HSPG2: variants seen among roughly 807,000 people sequenced by gnomAD.
HSPG2 encodes the protein basement membrane-specific heparan sulfate proteoglycan core protein.
Under a neutral mutation model 526.6 loss-of-function variants are expected in HSPG2, and 278 were observed. The observed-to-expected ratio is 0.53, with a 90% CI of 0.48 to 0.58. The LOEUF (loss-of-function observed/expected upper bound fraction) is 0.58. HSPG2 is among the 20% of genes least tolerant of loss of function. The probability of loss-of-function intolerance (pLI) is 0.00; values close to 1 mark genes in which losing one functional copy is unlikely to be tolerated. For missense variants in HSPG2, 5,354 were observed against 6,099.5 expected (o/e 0.88, Z 4.07); for synonymous variants, 2,465 against 2,555.4 (o/e 0.96, Z 1.07).
intron 69 of HSPG2, 141 bp downstream of exon 69, chr1:21,841,861 T>C: frequency 1.5e-6 from 2 of 1,344,924 alleles, no homozygotes; most frequent in East Asian, 4.7e-5. Flanking sequence ...GCTCTTGCCA[T>C]ACAGAGACGG....
rs1643254684 is a variant in HSPG2, at chr1:21,904,319, C to A, written c.64-8009G>T. On this transcript the variant is annotated intron_variant, in intron 1 of 96. Coordinates refer to ENST00000374695, the MANE Select transcript of HSPG2 (RefSeq NM_005529.7). The surrounding 1 kb of genome is among the most constrained non-coding windows in gnomAD (Gnocchi z 4.4). ...AGCAGAGAAGGGGAAGAGTGCGGAC[C>A]AGGTGGAGGGAAGGGCACACGCTGA... Among the ~76,000 whole-genome samples, 1 of 152,052 alleles carries A rather than the reference C, an allele frequency of 6.6e-6. No homozygotes were observed. Among genetic ancestry groups the A allele is most frequent in the Non-Finnish European group, 1.5e-5 (1 of 68,016 alleles).
chr1:21,823,934 C>T (rs1018280741), intron 95 of HSPG2, 187 bp downstream of exon 95: 8 of 749,552 alleles, frequency 1.1e-5, no homozygotes, highest in East Asian at 5.4e-5. Flanking sequence ...CTGGGGCACT[C>T]GCCTGCCCCC....
At chr1:21,831,149 CA>C in intron 84 of HSPG2, 59 bp from the exon 85 acceptor site, 1 of 1,603,774 alleles carries the variant, frequency 6.2e-7, no homozygotes, top group East Asian at 2.2e-5. Context: ...ATAATCCCCA[CA>C]GGGGCCAGCC....
rs542413195 is a variant in HSPG2 at position 21,870,102 on chromosome 1, A to AC, written c.4221+2083_4221+2084insG. 2.5e-4 allele frequency: 78 copies of AC among 308,188 alleles called. No individual in the cohort carries two copies. The East Asian group carries it at 0.011, about 43-fold the overall frequency. 19.1% of individuals were successfully genotyped at this position (308,188 alleles called of 1,614,324 possible). On this transcript the variant is annotated intron_variant, in intron 33 of 96. Coordinates refer to ENST00000374695, the MANE Select transcript of HSPG2 (RefSeq NM_005529.7). ...GCTGGGGCCTGGCCTGGCATAGGGG[A>AC]AATGGCCCAGGAAAGCTGGAGTCTT...
In HSPG2 at chr1:21,855,808, T is replaced by C. The variant is rs1172014542; in HGVS notation, c.5680A>G (p.Thr1894Ala). Reference sequence around the variant, plus strand: ...TCACCTGTCCACTCGAGGGTGGGCGTGGGGCTCCCTGTGGCGCTGCAGCGG... The same window carrying C: ...TCACCTGTCCACTCGAGGGTGGGCGCGGGGCTCCCTGTGGCGCTGCAGCGG... ...EFRCSATGSPTPTLEWTGGPG... is the reference protein window; with the variant it reads ...EFRCSATGSPAPTLEWTGGPG... The change falls in exon 45 of 97, where the codon ACG (threonine) becomes GCG (alanine). Residue 1894 changes from threonine (T) to alanine (A), a missense_variant. Thr to Ala is a moderately conservative substitution (Grantham distance 58). Coordinates refer to ENST00000374695, the MANE Select transcript of HSPG2 (RefSeq NM_005529.7). 1.2e-6 allele frequency: 2 copies of C among 1,613,166 alleles called. No individual in the cohort carries two copies. Among genetic ancestry groups the C allele is most frequent in the Non-Finnish European group, 1.7e-6 (2 of 1,179,900 alleles).
intron 91 of HSPG2, among the ~76,000 whole-genome samples, chr1:21,826,251 G>A (rs1028164005): frequency 4.9e-4 from 75 of 151,860 alleles, no homozygotes; most frequent in Admixed American, 4.9e-3. Flanking sequence ...TAAATTTCTT[G>A]TAGAGATGAG....
At chr1:21,915,366 C>T (rs1164237817) in intron 1 of HSPG2, among the ~76,000 whole-genome samples, 1 of 152,202 alleles carries the variant, frequency 6.6e-6, no homozygotes, top group Non-Finnish European at 1.5e-5. Flanking sequence ...ATTCCAGATG[C>T]CAGCAGCTGA....
intron 33 of HSPG2, among the ~76,000 whole-genome samples, chr1:21,866,846 C>T (rs1640265866): frequency 6.6e-6 from 1 of 152,210 alleles, no homozygotes; most frequent in South Asian, 2.1e-4. Context: ...TATCAAACAC[C>T]TGCTGATTAC....
At chr1:21,836,766 C>T in intron 75 of HSPG2, 36 bp downstream of exon 75, 1 of 1,515,492 alleles carries the variant, frequency 6.6e-7, no homozygotes, top group Non-Finnish European at 8.9e-7. Flanking sequence ...CTGGGCTATG[C>T]TGCCCAAGTC....
rs1642704588 is a variant in HSPG2 at position 21,895,793 on chromosome 1, G to A, written c.244+129C>T. 1 of 850,984 alleles carries A rather than the reference G, an allele frequency of 1.2e-6. No homozygotes were observed. Among genetic ancestry groups the A allele is most frequent in the Admixed American group, 1.9e-5 (1 of 51,822 alleles). 52.7% of individuals were successfully genotyped at this position (850,984 alleles called of 1,614,324 possible). On this transcript the variant is annotated intron_variant, in intron 3 of 96. Transcript: ENST00000374695. The surrounding 1 kb of genome is among the most constrained non-coding windows in gnomAD (Gnocchi z 4.1). ...GCACAACTGTCACTCAGCAGGTTAA[G>A]AGATCACACCCACTTCTTCTTGCTT...
chr1:21,927,767 C>T (rs965635166), intron 1 of HSPG2, among the ~76,000 whole-genome samples: 3 of 152,174 alleles, frequency 2.0e-5, no homozygotes, highest in East Asian at 1.9e-4. Context: ...CCTACAGCTG[C>T]GGCCTCGGTA....
chr1:21,887,736 C>T lies in HSPG2; in HGVS notation c.704-62G>A. On this transcript the variant is annotated intron_variant, in intron 7 of 96. Coordinates refer to ENST00000374695, the MANE Select transcript of HSPG2 (RefSeq NM_005529.7). The surrounding 1 kb of genome is among the most constrained non-coding windows in gnomAD (Gnocchi z 5.0). ...GATGGCTCCTCACCTGCTCCTTGTC[C>T]CCAACCCTCCCCAGGCCCACCCTGT... 2 of 1,608,596 alleles carry T rather than the reference C, an allele frequency of 1.2e-6. No individual in the cohort carries two copies. The highest frequency in any genetic ancestry group is 4.5e-5 in the East Asian group (2 of 44,840).
intron 1 of HSPG2, among the ~76,000 whole-genome samples, chr1:21,912,715 T>C (rs140218217): frequency 2.0e-4 from 30 of 152,262 alleles, no homozygotes; most frequent in African/African-American, 6.7e-4. Context: ...CGCAGTGGCT[T>C]GTGTCTGTAA....
In HSPG2 at chr1:21,898,513, G is replaced by A. The variant is rs1642904615; in HGVS notation, c.64-2203C>T. Among the ~76,000 whole-genome samples, 1 of 152,224 alleles carries A rather than the reference G, an allele frequency of 6.6e-6. No homozygotes were observed. Among genetic ancestry groups the A allele is most frequent in the Non-Finnish European group, 1.5e-5 (1 of 68,040 alleles). ...TCCTGGGCTCCTTCTCAGAGACAGT[G>A]AGTCAGGTTTTTCCATCCCAGGAGG... On this transcript the variant is annotated intron_variant, in intron 1 of 96. Coordinates refer to ENST00000374695, the MANE Select transcript of HSPG2 (RefSeq NM_005529.7). The surrounding 1 kb of genome is among the most constrained non-coding windows in gnomAD (Gnocchi z 4.0).
At chr1:21,917,302 G>A (rs1360771576) in intron 1 of HSPG2, among the ~76,000 whole-genome samples, 2 of 151,934 alleles carry the variant, frequency 1.3e-5, no homozygotes, top group Non-Finnish European at 2.9e-5. Flanking sequence ...GTGTGGTGGT[G>A]TGTGCTTATG....
chr1:21,854,907 C>T lies in HSPG2; in HGVS notation c.6074G>A (p.Cys2025Tyr). 6.2e-7 allele frequency: 1 copy of T among 1,614,140 alleles called. No individual in the cohort carries two copies. Among genetic ancestry groups the T allele is most frequent in the Non-Finnish European group, 8.5e-7 (1 of 1,180,024 alleles). Reference sequence around the variant, plus strand: ...AGTGCCTGCAGGGCTGGTGGCCACGCAGAGGTAGAAGCCGGCGTCAGCAGT... The same window carrying T: ...AGTGCCTGCAGGGCTGGTGGCCACGTAGAGGTAGAAGCCGGCGTCAGCAGT... Reference protein sequence around the residue: ...ITTADAGFYLCVATSPAGTAQ... With the variant: ...ITTADAGFYLYVATSPAGTAQ... Residue 2025 changes from cysteine to tyrosine, a missense_variant, in exon 48 of 97, where the codon TGC becomes TAC. Physicochemically the swap from Cys to Tyr is radical, Grantham distance 194. Transcript: ENST00000374695.
chr1:21,924,684 G>A (rs1448986952), intron 1 of HSPG2, among the ~76,000 whole-genome samples: 1 of 152,014 alleles, frequency 6.6e-6, no homozygotes, highest in Admixed American at 6.6e-5. Context: ...GACCAGCAAT[G>A]AATGTCACCT....
At chr1:21,917,738 T>C (rs964338809) in intron 1 of HSPG2, among the ~76,000 whole-genome samples, 1 of 152,132 alleles carries the variant, frequency 6.6e-6, no homozygotes, top group Non-Finnish European at 1.5e-5. Flanking sequence ...AGCTAATCTA[T>C]TCATCCATCC....
chr1:21,866,093 C>T (rs1458992802), intron 33 of HSPG2, among the ~76,000 whole-genome samples: 1 of 152,158 alleles, frequency 6.6e-6, no homozygotes, highest in Non-Finnish European at 1.5e-5. Context: ...GAACAAACTC[C>T]AGGTCTGCTT....
Sources: gnomAD v4.1 joint callset for allele counts (sites outside exome capture counted in the v4.1 genomes callset) on GRCh38, gnomAD v4.1.1 for gene constraint, Gnocchi (gnomAD v3.1) non-coding constraint, MANE v1.5 for transcripts, NCBI Gene and HGNC (gene_info 2026-07-23, HGNC 2026-07-21) for gene names.